Variants in CACNA1C observed in about 807,000 individuals in gnomAD.
CACNA1C encodes the protein voltage-dependent L-type calcium channel subunit alpha-1C.
CACNA1C carries 30 observed loss-of-function variants against 229.0 expected under a neutral mutation model. That is an observed-to-expected ratio of 0.13 (90% confidence interval 0.10 to 0.18). The LOEUF is 0.18. CACNA1C is among the 10% of genes least tolerant of loss of function. The probability of loss-of-function intolerance (pLI) is 1.00; values close to 1 mark genes in which losing one functional copy is unlikely to be tolerated. For missense variants in CACNA1C, 1,658 were observed against 2,845.0 expected, an observed-to-expected ratio of 0.58 and a Z score of 9.49; for synonymous variants, 1,114 against 1,132.5, an observed-to-expected ratio of 0.98 and a Z score of 0.33.
chr12:2,004,449 C>T (rs763880436), intron 1 of CACNA1C: 244 of 1,599,144 alleles, frequency 1.5e-4, no homozygotes, highest in East Asian at 2.5e-4. Context: ...CCCTCCCAGA[C>T]ATAGGCACGG....
chr12:2,524,383 C>T (rs528679507), intron 9 of CACNA1C, among the ~76,000 whole-genome samples: 23 of 152,340 alleles, frequency 1.5e-4, no homozygotes, highest in African/African-American at 4.6e-4. Context: ...TGATGAATTG[C>T]AGTCATGAAC....
At chr12:1,994,460 C>G (rs1353814100) in intron 1 of CACNA1C, among the ~76,000 whole-genome samples, 3 of 152,200 alleles carry the variant, frequency 2.0e-5, no homozygotes, top group African/African-American at 2.4e-5. Context: ...GGGAGGCAAT[C>G]CTTGCCTAGC....
At chr12:2,462,058 C>T (rs2099509500) in intron 5 of CACNA1C, among the ~76,000 whole-genome samples, 1 of 152,138 alleles carries the variant, frequency 6.6e-6, no homozygotes, top group African/African-American at 2.4e-5. Context: ...CCTCCTTCCT[C>T]CCTAAGCTCA....
chr12:2,075,116 ATCT>A (rs1056329387), intron 1 of CACNA1C, among the ~76,000 whole-genome samples: 17 of 152,324 alleles, frequency 1.1e-4, no homozygotes, highest in African/African-American at 4.1e-4. Context: ...GACAGCCAAC[ATCT>A]TTTCACCCCC....
At position 2,695,227 on chromosome 12, in the gene CACNA1C, T is replaced by C. The variant is rs958561786; in HGVS notation, c.*4028T>C. On this transcript the variant is annotated 3_prime_UTR_variant, in exon 47 of 47. Coordinates refer to ENST00000399655, the MANE Select transcript of CACNA1C (RefSeq NM_000719.7). ...CATATTTTGACTCCCTCTGTGCCTC[T>C]TCCCAGTTCATGGAAGGATGTGTTC... The C allele has an allele frequency of 6.6e-6, 1 of 152,244 alleles. No homozygotes were observed. Among genetic ancestry groups the C allele is most frequent in the Non-Finnish European group, 1.5e-5 (1 of 68,056 alleles). The allele number at this position is 152,244 out of a possible 1,614,324, so 9.4% of individuals were successfully genotyped here.
At chr12:1,976,774 A>G (rs2034497240) in intron 1 of CACNA1C, among the ~76,000 whole-genome samples, 1 of 143,540 alleles carries the variant, frequency 7.0e-6, no homozygotes, top group African/African-American at 2.5e-5. Context: ...GAGGTGAAAA[A>G]GTGCAAAGCA....
intron 1 of CACNA1C, among the ~76,000 whole-genome samples, chr12:2,058,669 T>C (rs1191520985): frequency 2.0e-5 from 3 of 152,190 alleles, no homozygotes; most frequent in Non-Finnish European, 4.4e-5. Context: ...TAAACACCTG[T>C]TTACATGTAC....
chr12:2,230,195 G>A (rs1055660500), intron 3 of CACNA1C, among the ~76,000 whole-genome samples: 2 of 152,176 alleles, frequency 1.3e-5, no homozygotes, highest in African/African-American at 4.8e-5. Flanking sequence ...AGGGGCTGCT[G>A]CCGAGCTCCG....
chr12:2,608,530 G>A lies in CACNA1C; in HGVS notation c.3376G>A (p.Asp1126Asn), dbSNP rs1178827946. Residue 1126 changes from aspartate (D) to asparagine (N), a missense_variant, in exon 27 of 47, where the codon GAC becomes AAC. Around this residue, in one of 20 missense-constraint regions of CACNA1C, gnomAD observed 77 missense variants for 130.9 expected, o/e 0.59. Coordinates refer to ENST00000399655, the MANE Select transcript of CACNA1C (RefSeq NM_000719.7). The surrounding 1 kb of genome is among the most constrained non-coding windows in gnomAD (Gnocchi z 4.2). ...GWPELLYRSI[D>N]SHTEDKGPIY... ...CTGCAGGCTGCTGTACCGCTCCATC[G>A]ACTCCCACACGGAAGACAAGGGCCC... The A allele has an allele frequency of 1.2e-6, 2 of 1,611,556 alleles. No homozygotes were observed. The highest frequency in any genetic ancestry group is 1.7e-6 in the Non-Finnish European group (2 of 1,178,724).
At chr12:2,016,095 C>T (rs2045313032) in intron 1 of CACNA1C, among the ~76,000 whole-genome samples, 1 of 152,188 alleles carries the variant, frequency 6.6e-6, no homozygotes, top group Admixed American at 6.5e-5. Context: ...GGTGCTCCAT[C>T]TTTAAAATAA....
intron 3 of CACNA1C, among the ~76,000 whole-genome samples, chr12:2,322,619 C>T (rs1407278232): frequency 6.6e-6 from 1 of 152,184 alleles, no homozygotes; most frequent in African/African-American, 2.4e-5. Flanking sequence ...ACGGGACCCT[C>T]CCAAAGTCAG....
chr12:2,072,279 A>G (rs1182196363), intron 1 of CACNA1C, among the ~76,000 whole-genome samples: 1 of 151,942 alleles, frequency 6.6e-6, no homozygotes, highest in East Asian at 1.9e-4. Context: ...GCTCACTGCA[A>G]CCTCCACGTT....
At chr12:2,591,068 A>G (rs1368038921) in intron 18 of CACNA1C, among the ~76,000 whole-genome samples, 1 of 152,196 alleles carries the variant, frequency 6.6e-6, no homozygotes. Context: ...TGCTGAAAAA[A>G]TATTAATTGT....
At chr12:2,369,402 C>CGTTTTT (rs1567283491) in intron 3 of CACNA1C, among the ~76,000 whole-genome samples, 1 of 116,666 alleles carries the variant, frequency 8.6e-6, no homozygotes, top group Non-Finnish European at 2.0e-5. Flanking sequence ...ACTTTACATA[C>CGTTTTT]CTTTTTTTTT....
Position 2,486,768 on chromosome 12 carries a change from G to A in CACNA1C, c.916+506G>A, listed in dbSNP as rs541157545. Reference sequence around the variant, plus strand: ...CAGATCCTCTGTAATTATTGTTTCTGCTTCTCCATTCACAGGCAGATGCCC... The same window carrying A: ...CAGATCCTCTGTAATTATTGTTTCTACTTCTCCATTCACAGGCAGATGCCC... On this transcript the variant is annotated intron_variant, in intron 6 of 46. Coordinates refer to ENST00000399655, the MANE Select transcript of CACNA1C (RefSeq NM_000719.7). This position sits in a 1 kb window ranked among gnomAD's most constrained non-coding sequence, Gnocchi z 4.9. 5.3e-5 allele frequency among the ~76,000 whole-genome samples: 8 copies of A among 152,252 alleles called. No individual in the cohort carries two copies. Among genetic ancestry groups the A allele is most frequent in the African/African-American group, 1.9e-4 (8 of 41,548 alleles).
rs1297610358 is a variant in CACNA1C, at chr12:2,695,728, G to C, written c.*4529G>C. On this transcript the variant is annotated 3_prime_UTR_variant, in exon 47 of 47. Transcript: ENST00000399655. ...TGCGTGGAAGGGAGTCCCATGGGCA[G>C]ATGCTTACACGACCTCTTTGTGAAG... 6.6e-6 allele frequency: 1 copy of C among 152,246 alleles called. No individual in the cohort carries two copies. The highest frequency in any genetic ancestry group is 1.9e-4 in the East Asian group (1 of 5,200). The allele number at this position is 152,246 out of a possible 1,614,324, so 9.4% of individuals were successfully genotyped here. A position where few individuals can be genotyped will look rare whatever the true frequency, so the allele number is the denominator to read the frequency against.
intron 29 of CACNA1C, among the ~76,000 whole-genome samples, chr12:2,626,034 G>A (rs1300535998): frequency 6.6e-6 from 1 of 152,246 alleles, no homozygotes; most frequent in Non-Finnish European, 1.5e-5. Flanking sequence ...GGAAGCTGAG[G>A]CACAGAGAAG....
chr12:2,096,254 C>T (rs1313192554), intron 1 of CACNA1C, among the ~76,000 whole-genome samples: 2 of 152,220 alleles, frequency 1.3e-5, no homozygotes, highest in African/African-American at 4.8e-5. Context: ...CATGTTTGTG[C>T]ATGTGCACAT....
chr12:2,120,146 C>T (rs986585932), intron 2 of CACNA1C, among the ~76,000 whole-genome samples, 179 bp from the exon 3 acceptor site: 6 of 152,192 alleles, frequency 3.9e-5, no homozygotes, highest in African/African-American at 9.7e-5. Context: ...AAAATTTTGG[C>T]GGGGACCCAC....
Sources: gnomAD v4.1 joint callset for allele counts (sites outside exome capture counted in the v4.1 genomes callset) on GRCh38, gnomAD v4.1.1 for gene constraint, gnomAD v4.1.1 regional missense constraint, Gnocchi (gnomAD v3.1) non-coding constraint, MANE v1.5 for transcripts, NCBI Gene and HGNC (gene_info 2026-07-23, HGNC 2026-07-21) for gene names.